Variants in PDE4D observed in about 807,000 individuals in gnomAD.
The protein encoded by PDE4D is phosphodiesterase 4D.
In PDE4D, 24 loss-of-function variants were observed where a neutral mutation model predicts 87.4. The ratio of observed to expected loss-of-function variants is 0.27; its 90% CI spans 0.20 to 0.39. PDE4D has a LOEUF of 0.39. PDE4D is among the 10% of genes least tolerant of loss of function. PDE4D has a pLI of 1.00. For synonymous variants in PDE4D, 384 were observed against 383.2 expected (o/e 1.00, Z -0.02); for missense variants, 714 against 1,041.0 (o/e 0.69, Z 4.32).
intron 1 of PDE4D, among the ~76,000 whole-genome samples, chr5:59,529,898 T>A (rs751952638): frequency 2.0e-5 from 3 of 152,176 alleles, no homozygotes; most frequent in Admixed American, 6.5e-5. Flanking sequence ...CCTGTCAGGA[T>A]GTAAAAAACA....
At chr5:59,291,397 TAGAG>T (rs752095795) in intron 1 of PDE4D, among the ~76,000 whole-genome samples, 4 of 151,700 alleles carry the variant, frequency 2.6e-5, no homozygotes, top group Non-Finnish European at 5.9e-5. Context: ...ACGAAGGAGA[TAGAG>T]AGCAGAAGAC....
intron 1 of PDE4D, among the ~76,000 whole-genome samples, chr5:60,306,260 A>G (rs1754490915): frequency 6.6e-6 from 1 of 152,128 alleles, no homozygotes; most frequent in African/African-American, 2.4e-5. Flanking sequence ...TTGTAATTAC[A>G]AACTATTTTA....
chr5:59,812,439 G>C (rs774175527), intron 1 of PDE4D, among the ~76,000 whole-genome samples: 36 of 152,080 alleles, frequency 2.4e-4, no homozygotes, highest in South Asian at 1.2e-3. Flanking sequence ...TTGGGAGGCC[G>C]AGGCAGACGG....
intron 1 of PDE4D, among the ~76,000 whole-genome samples, chr5:59,623,510 C>T (rs1029629092): frequency 4.6e-5 from 7 of 152,124 alleles, no homozygotes; most frequent in Admixed American, 2.6e-4. Context: ...TGTTCTGTTC[C>T]ATCTCCGAGG....
intron 1 of PDE4D, among the ~76,000 whole-genome samples, chr5:59,392,783 T>TTGTGACC (rs1205721551): frequency 6.6e-6 from 1 of 152,128 alleles, no homozygotes; most frequent in East Asian, 1.9e-4. Context: ...GATATGTGAG[T>TTGTGACC]TGTGACCTGC....
intron 1 of PDE4D, among the ~76,000 whole-genome samples, chr5:59,782,106 A>G (rs980581183): frequency 3.3e-5 from 5 of 152,224 alleles, no homozygotes; most frequent in Non-Finnish European, 7.3e-5. Context: ...ATGCATTAAC[A>G]ATTTGCTTAG....
At chr5:59,777,794 A>G (rs1764225045) in intron 1 of PDE4D, among the ~76,000 whole-genome samples, 1 of 152,202 alleles carries the variant, frequency 6.6e-6, no homozygotes, top group Non-Finnish European at 1.5e-5. Flanking sequence ...AACTTATATA[A>G]CAGTATTACA....
chr5:59,325,069 GC>G, intron 1 of PDE4D, among the ~76,000 whole-genome samples: 1 of 152,192 alleles, frequency 6.6e-6, no homozygotes, highest in East Asian at 1.9e-4. Context: ...AACAGTAATA[GC>G]CTTTTGAAAA....
At chr5:59,741,144 G>C (rs541724453) in intron 1 of PDE4D, among the ~76,000 whole-genome samples, 1 of 152,250 alleles carries the variant, frequency 6.6e-6, no homozygotes, top group Admixed American at 6.5e-5. Flanking sequence ...CTCTGGGTCA[G>C]ACTAAAAAGA....
At chr5:59,070,143 T>G (rs1764533600) in intron 5 of PDE4D, among the ~76,000 whole-genome samples, 1 of 152,212 alleles carries the variant, frequency 6.6e-6, no homozygotes, top group Non-Finnish European at 1.5e-5. Context: ...GTATTCTCAC[T>G]AACACATATA....
At chr5:60,008,738 A>T (rs1166490818) in intron 2 of PDE4D, among the ~76,000 whole-genome samples, 1 of 152,074 alleles carries the variant, frequency 6.6e-6, no homozygotes, top group Non-Finnish European at 1.5e-5. Context: ...ATGCTTCTGT[A>T]ACTACCACCT....
chr5:59,444,365 G>T (rs1798056911), intron 1 of PDE4D, among the ~76,000 whole-genome samples: 1 of 152,074 alleles, frequency 6.6e-6, no homozygotes, highest in African/African-American at 2.4e-5. Context: ...TGGGTAAATT[G>T]GTCCTCCTTG....
chr5:60,148,905 C>T (rs567439488), intron 2 of PDE4D, among the ~76,000 whole-genome samples: 1 of 152,250 alleles, frequency 6.6e-6, no homozygotes, highest in African/African-American at 2.4e-5. Flanking sequence ...ATGTTGCCGT[C>T]TTTGAAAGAT....
intron 1 of PDE4D, among the ~76,000 whole-genome samples, chr5:60,223,353 A>G (rs1051545010): frequency 1.3e-5 from 2 of 152,160 alleles, no homozygotes; most frequent in African/African-American, 2.4e-5. Context: ...AAGGAAATCA[A>G]TGGTAACCAG....
Position 59,638,565 on chromosome 5 carries a change from A to G in PDE4D, c.455+254603T>C, listed in dbSNP as rs75545286. ...ACTCCTATCAGGGACCTTAAATGAG[A>G]GAGATACGGAGCTTAACCTGAGGGC... On this transcript the variant is annotated intron_variant, in intron 1 of 14. Transcript: ENST00000340635. Among the ~76,000 whole-genome samples the G allele has an allele frequency of 1.6e-3, 245 of 152,300 alleles. 2 individuals are homozygous for G. Among genetic ancestry groups the G allele is most frequent in the African/African-American group, 5.7e-3 (238 of 41,568 alleles).
At chr5:59,806,550 G>A (rs1767754984) in intron 1 of PDE4D, among the ~76,000 whole-genome samples, 1 of 152,200 alleles carries the variant, frequency 6.6e-6, no homozygotes, top group Non-Finnish European at 1.5e-5. Flanking sequence ...CTGATTGACA[G>A]TCAACAAGGT....
chr5:59,290,300 A>G (rs1157286249), intron 1 of PDE4D, among the ~76,000 whole-genome samples: 1 of 151,994 alleles, frequency 6.6e-6, no homozygotes, highest in African/African-American at 2.4e-5. Context: ...ATTTTCAACA[A>G]AGGCGCCAAG....
chr5:60,010,596 A>G (rs576661366), intron 2 of PDE4D, among the ~76,000 whole-genome samples: 25 of 152,270 alleles, frequency 1.6e-4, no homozygotes, highest in African/African-American at 5.8e-4. Flanking sequence ...CATTTTGGCC[A>G]CAGGCTTTGT....
At chr5:60,085,655 C>G (rs560018192) in intron 2 of PDE4D, among the ~76,000 whole-genome samples, 1 of 152,138 alleles carries the variant, frequency 6.6e-6, no homozygotes, top group Admixed American at 6.5e-5. Flanking sequence ...CTACTCATGA[C>G]GAGGTGAGTC....
Sources: gnomAD v4.1 joint callset for allele counts (sites outside exome capture counted in the v4.1 genomes callset) on GRCh38, gnomAD v4.1.1 for gene constraint, MANE v1.5 for transcripts, NCBI Gene and HGNC (gene_info 2026-07-23, HGNC 2026-07-21) for gene names.